PAX5: variants seen among roughly 807,000 people sequenced by gnomAD.
PAX5 encodes the protein paired box protein Pax-5.
In PAX5, 9 loss-of-function variants were observed where a neutral mutation model predicts 43.7. The ratio of observed to expected loss-of-function variants is 0.21; its 90% confidence interval spans 0.12 to 0.36. The LOEUF is 0.36. Ranked by LOEUF, PAX5 falls within the 10% of genes least tolerant of loss-of-function variation. PAX5 has a pLI of 1.00. For synonymous variants in PAX5, 228 were observed against 214.3 expected (o/e 1.06, Z -0.56); for missense variants, 383 against 532.7 (o/e 0.72, Z 2.77).
At chr9:36,965,497 G>C (rs554218480) in intron 6 of PAX5, among the ~76,000 whole-genome samples, 1 of 152,354 alleles carries the variant, frequency 6.6e-6, no homozygotes, top group African/African-American at 2.4e-5. Context: ...CAGACAGACT[G>C]TCATAGATGG....
intron 7 of PAX5, among the ~76,000 whole-genome samples, chr9:36,900,694 C>T (rs1828305946): frequency 6.6e-6 from 1 of 152,068 alleles, no homozygotes; most frequent in Admixed American, 6.5e-5. Context: ...TCCCAGAGTC[C>T]CTCTCCAGCT....
At chr9:36,901,145 T>A (rs1208692667) in intron 7 of PAX5, among the ~76,000 whole-genome samples, 4 of 152,026 alleles carry the variant, frequency 2.6e-5, no homozygotes, top group Non-Finnish European at 5.9e-5. Flanking sequence ...CCACAGAGAT[T>A]CCCCTGGAGA....
At chr9:37,030,038 AC>A in intron 1 of PAX5, among the ~76,000 whole-genome samples, 1 of 152,314 alleles carries the variant, frequency 6.6e-6, no homozygotes, top group Non-Finnish European at 1.5e-5. Context: ...TCCTTCGGAT[AC>A]CCGTGAGGCT....
intron 5 of PAX5, among the ~76,000 whole-genome samples, chr9:36,996,386 A>C (rs1261368569): frequency 6.6e-6 from 1 of 152,248 alleles, no homozygotes; most frequent in Non-Finnish European, 1.5e-5. Flanking sequence ...AACTCGCTAC[A>C]AGAAGTCCTC....
At chr9:37,026,517 C>G (rs1840391506) in intron 1 of PAX5, 1 of 1,324,004 alleles carries the variant, frequency 7.6e-7, no homozygotes, top group Admixed American at 2.3e-5. Context: ...GAGAAGCGAG[C>G]TCGCCGCCTA....
At chr9:37,033,834 A>G (rs1416321412) in intron 1 of PAX5, 152 bp downstream of exon 1, 2 of 665,948 alleles carry the variant, frequency 3.0e-6, no homozygotes, top group Non-Finnish European at 5.4e-6. Context: ...GTGTGAACAG[A>G]TAGGTGAAAA....
chr9:36,999,018 C>T (rs1837626496), intron 5 of PAX5, among the ~76,000 whole-genome samples: 1 of 152,120 alleles, frequency 6.6e-6, no homozygotes, highest in Admixed American at 6.6e-5. Flanking sequence ...TAGTGCAGGG[C>T]TAGTCACTGT....
At chr9:36,874,150 G>A (rs1284093335) in intron 8 of PAX5, among the ~76,000 whole-genome samples, 2 of 152,086 alleles carry the variant, frequency 1.3e-5, no homozygotes, top group Admixed American at 6.5e-5. Context: ...TCACACAGGC[G>A]GTGTCTCCGT....
intron 8 of PAX5, among the ~76,000 whole-genome samples, chr9:36,851,386 G>A (rs559685930): frequency 2.6e-4 from 39 of 152,294 alleles, no homozygotes; most frequent in African/African-American, 8.9e-4. Context: ...ATCTACCTCT[G>A]CCATTTCTGC....
Position 36,910,626 on chromosome 9 carries a change from G to A in PAX5, c.910+12729C>T, listed in dbSNP as rs554342146. Among the ~76,000 whole-genome samples, 6 of 152,332 alleles carry A rather than the reference G, an allele frequency of 3.9e-5. No individual in the cohort carries two copies. In the South Asian group the frequency reaches 1.2e-3, roughly 32 times the overall value. ...TGGTCTATGAGTTCAAAGCATAGAT[G>A]CCCGCCTGGACTTTGTAGATACCTC... On this transcript the variant is annotated intron_variant, in intron 7 of 9. Transcript: ENST00000358127.
intron 7 of PAX5, among the ~76,000 whole-genome samples, chr9:36,920,188 G>A (rs944542398): frequency 6.6e-6 from 1 of 152,320 alleles, no homozygotes; most frequent in South Asian, 2.1e-4. Flanking sequence ...TGCCAACAAA[G>A]GATTTAGAAT....
intron 6 of PAX5, among the ~76,000 whole-genome samples, chr9:36,948,800 C>T (rs544492438): frequency 3.1e-4 from 47 of 152,048 alleles, no homozygotes; most frequent in African/African-American, 1.0e-3. Context: ...TGTCTCCCTG[C>T]GCAAACTCCC....
At position 37,034,116 on chromosome 9, in the gene PAX5, T is replaced by TC; in HGVS notation, c.-86_-85insG. On this transcript the variant is annotated 5_prime_UTR_variant, in exon 1 of 10. Coordinates refer to ENST00000358127, the MANE Select transcript of PAX5 (RefSeq NM_016734.3). ...TTTTTTTCTTTTTTTTTTTTTTTTT[T>TC]TTTTTTTTTTGGTGCCAGGGGCCGC... is the stretch of plus-strand genomic sequence containing the variant. The TC allele has an allele frequency of 4.7e-6, 4 of 848,552 alleles. No individual in the cohort carries two copies. The South Asian group carries it at 5.0e-5, about 11-fold the overall frequency. The allele number at this position is 848,552 out of a possible 1,614,324, so 52.6% of individuals were successfully genotyped here.
At chr9:36,980,759 C>G (rs1012204971) in intron 5 of PAX5, among the ~76,000 whole-genome samples, 1 of 151,924 alleles carries the variant, frequency 6.6e-6, no homozygotes, top group South Asian at 2.1e-4. Flanking sequence ...GGGGCAGGTT[C>G]GGGAGGTGAT....
intron 7 of PAX5, among the ~76,000 whole-genome samples, chr9:36,898,109 A>T (rs936416297): frequency 3.3e-5 from 5 of 152,154 alleles, no homozygotes; most frequent in Non-Finnish European, 1.5e-5. Context: ...GAAATGGAGG[A>T]TGGAAAGAGG....
At chr9:37,027,582 C>T (rs564430913) in intron 1 of PAX5, among the ~76,000 whole-genome samples, 1 of 152,358 alleles carries the variant, frequency 6.6e-6, no homozygotes, top group Admixed American at 6.5e-5. Context: ...GATGGAGCCG[C>T]AGTCGGCTCT....
chr9:37,020,981 A>T (rs780730371), intron 1 of PAX5, among the ~76,000 whole-genome samples, 180 bp from the exon 2 acceptor site: 1 of 152,204 alleles, frequency 6.6e-6, no homozygotes, highest in Non-Finnish European at 1.5e-5. Context: ...TTTTAAAATT[A>T]ATCTTAGCCT....
At chr9:36,852,695 G>A (rs923242260) in intron 8 of PAX5, among the ~76,000 whole-genome samples, 3 of 152,216 alleles carry the variant, frequency 2.0e-5, no homozygotes, top group Admixed American at 2.0e-4. Flanking sequence ...CCCGAGCAAT[G>A]CACTTCTTCC....
At chr9:37,019,458 T>C (rs1839678806) in intron 2 of PAX5, among the ~76,000 whole-genome samples, 1 of 152,190 alleles carries the variant, frequency 6.6e-6, no homozygotes, top group African/African-American at 2.4e-5. Flanking sequence ...CCAAAGGAGC[T>C]GCCAGACCCC....
Sources: allele counts gnomAD v4.1 joint callset (sites outside exome capture counted in the v4.1 genomes callset), GRCh38; gene constraint gnomAD v4.1.1; transcripts MANE v1.5; gene names NCBI Gene and HGNC (gene_info 2026-07-23, HGNC 2026-07-21).